TSACC: variants seen among roughly 807,000 people sequenced by gnomAD.
TSACC encodes the protein TSSK6-activating co-chaperone protein.
A neutral mutation model predicts 6.9 loss-of-function variants in TSACC; 3 were observed. The observed-to-expected ratio is 0.43, with a 90% CI of 0.20 to 1.12. The LOEUF (loss-of-function observed/expected upper bound fraction) is 1.12. TSACC is among the 50% of genes most tolerant of loss of function. The pLI is 0.28. For missense variants in TSACC, 137 were observed against 143.9 expected, an observed-to-expected ratio of 0.95 and a Z score of 0.24; for synonymous variants, 54 against 55.1, an observed-to-expected ratio of 0.98 and a Z score of 0.09.
In TSACC at chr1:156,340,449, G is replaced by A. The variant is rs996946789; in HGVS notation, c.34+658G>A. Among the ~76,000 whole-genome samples the A allele has an allele frequency of 7.6e-5, 11 of 145,032 alleles. No individual in the cohort carries two copies. In the South Asian group the frequency reaches 1.5e-3, roughly 20 times the overall value. The stretch of plus-strand genomic sequence containing the variant: ...GCTGGGATTACAGGTGTGAGCTACC[G>A]CCCCCGGCCTTTTTTTTTTTTTTTT... On this transcript the variant is annotated intron_variant, in intron 2 of 3. Coordinates refer to ENST00000368254, the MANE Select transcript of TSACC (RefSeq NM_001304817.2).
intron 2 of TSACC, among the ~76,000 whole-genome samples, chr1:156,342,088 A>G (rs1168773750): frequency 6.6e-6 from 1 of 152,062 alleles, no homozygotes; most frequent in African/African-American, 2.4e-5. Flanking sequence ...AGAAAGAAAA[A>G]AAAATGCATT....
chr1:156,338,020 G>A (rs1351523925), upstream of TSACC: 3 of 953,370 alleles, frequency 3.1e-6, no homozygotes, highest in Admixed American at 6.3e-5. Flanking sequence ...CGGGACACTG[G>A]GCTTCCAAAA....
upstream of TSACC, chr1:156,337,886 G>A (rs1665510509): frequency 3.7e-6 from 2 of 535,074 alleles, no homozygotes; most frequent in Admixed American, 3.4e-5. Context: ...GGGGCTGAGG[G>A]ACAGAACGCG....
At chr1:156,344,029 C>T (rs1490818622) in intron 2 of TSACC, among the ~76,000 whole-genome samples, 1 of 152,086 alleles carries the variant, frequency 6.6e-6, no homozygotes, top group African/African-American at 2.4e-5. Context: ...CATGAGCCAC[C>T]GTGCCCAGCC....
At position 156,339,651 on chromosome 1, in the gene TSACC, T is replaced by C; in HGVS notation, c.-107T>C. 7.0e-7 allele frequency: 1 copy of C among 1,429,016 alleles called. No individual in the cohort carries two copies. The highest frequency in any genetic ancestry group is 9.7e-7 in the Non-Finnish European group (1 of 1,027,642). The allele number at this position is 1,429,016 out of a possible 1,614,324, so 88.5% of individuals were successfully genotyped here. ...CTCTGCAGATTGGAACAGGCTGAGA[T>C]CTGCTGGAGACAACTTAGGAAATTA... On this transcript the variant is annotated 5_prime_UTR_variant, in exon 2 of 4. Coordinates refer to ENST00000368254, the MANE Select transcript of TSACC (RefSeq NM_001304817.2).
intron 2 of TSACC, among the ~76,000 whole-genome samples, chr1:156,341,273 A>G (rs964439736): frequency 2.0e-5 from 3 of 152,192 alleles, no homozygotes; most frequent in African/African-American, 7.2e-5. Context: ...ACACATATCA[A>G]CTGTGGAATC....
rs1666076880 is a variant in TSACC at position 156,344,721 on chromosome 1, G to A, written c.163+13G>A. On this transcript the variant is annotated intron_variant, in intron 3 of 3. Coordinates refer to ENST00000368254, the MANE Select transcript of TSACC (RefSeq NM_001304817.2). ...AAGCTGCCCTCGGGTAAGGATGTAG[G>A]GAGGGTTTTCTAATGGACTCAACAG... 6.2e-7 allele frequency: 1 copy of A among 1,612,642 alleles called. No homozygotes were observed. The highest frequency in any genetic ancestry group is 1.3e-5 in the African/African-American group (1 of 74,646).
chr1:156,344,445 C>T (rs1300474179), intron 2 of TSACC, 135 bp from the exon 3 acceptor site: 7 of 1,298,616 alleles, frequency 5.4e-6, no homozygotes, highest in African/African-American at 1.5e-5. Flanking sequence ...TCTTTTTTGT[C>T]TTATGTATCT....
chr1:156,337,992 TAAGAG>T (rs1425400903), upstream of TSACC, among the ~76,000 whole-genome samples: 7 of 152,122 alleles, frequency 4.6e-5, no homozygotes, highest in African/African-American at 1.7e-4. Context: ...GCGAACAGGT[TAAGAG>T]AAGAGAGGAA....
At chr1:156,345,875 A>G (rs1666143857) in intron 3 of TSACC, among the ~76,000 whole-genome samples, 1 of 151,410 alleles carries the variant, frequency 6.6e-6, no homozygotes, top group African/African-American at 2.4e-5. Flanking sequence ...GAAAAAAAAA[A>G]AAAGAAAAAA....
intron 1 of TSACC, 26 bp from the exon 2 acceptor site, chr1:156,339,608 A>G: frequency 1.1e-6 from 1 of 888,050 alleles, no homozygotes; most frequent in South Asian, 1.8e-5. Context: ...GCCATGAAAT[A>G]GAGTTTCCTA....
chr1:156,338,052 T>C (rs1665526785), upstream of TSACC: 3 of 1,279,992 alleles, frequency 2.3e-6, no homozygotes, highest in South Asian at 3.8e-5. Context: ...ATTGGAAGGC[T>C]CAGTGGCCCG....
chr1:156,344,808 A>G, intron 3 of TSACC, 100 bp downstream of exon 3: 1 of 1,404,878 alleles, frequency 7.1e-7, no homozygotes, highest in Non-Finnish European at 9.7e-7. Context: ...AGCCAAATCT[A>G]TGTTAGGCAT....
intron 2 of TSACC, among the ~76,000 whole-genome samples, chr1:156,343,612 T>G (rs1666011978): frequency 6.6e-6 from 1 of 152,208 alleles, no homozygotes; most frequent in Admixed American, 6.5e-5. Context: ...CTTGGCTCAG[T>G]CACAGTTGCC....
chr1:156,342,403 T>C (rs1051948477), intron 2 of TSACC, among the ~76,000 whole-genome samples: 7 of 152,154 alleles, frequency 4.6e-5, no homozygotes, highest in African/African-American at 1.7e-4. Context: ...CAGAACAGAT[T>C]TCAGTTTTCA....
chr1:156,338,052 TCA>T, upstream of TSACC: 3 of 1,280,110 alleles, frequency 2.3e-6, no homozygotes, highest in Non-Finnish European at 3.3e-6. Flanking sequence ...ATTGGAAGGC[TCA>T]GTGGCCCGGT....
In TSACC at chr1:156,339,809, T is replaced by C. The variant is rs377273394; in HGVS notation, c.34+18T>C. On this transcript the variant is annotated intron_variant, in intron 2 of 3. Coordinates refer to ENST00000368254, the MANE Select transcript of TSACC (RefSeq NM_001304817.2). Reference sequence around the variant, plus strand: ...CAGAAAAGGTGTGTGTTGGAGGCCCTGCTTCCCCTCCCTTAAAAAGCAAGA... The same window carrying C: ...CAGAAAAGGTGTGTGTTGGAGGCCCCGCTTCCCCTCCCTTAAAAAGCAAGA... 2 of 1,613,290 alleles carry C rather than the reference T, an allele frequency of 1.2e-6. No homozygotes were observed. The highest frequency in any genetic ancestry group is 1.3e-5 in the African/African-American group (1 of 74,804).
At position 156,340,720 on chromosome 1, in the gene TSACC, C is replaced by G. The variant is rs757657421; in HGVS notation, c.34+929C>G. ...AGGTGATCCGCCTGCCTCGGCCTCC[C>G]GAAGTGCTGGGATTACAGGTGTGAG... On this transcript the variant is annotated intron_variant, in intron 2 of 3. Coordinates refer to ENST00000368254, the MANE Select transcript of TSACC (RefSeq NM_001304817.2). 2.6e-5 allele frequency among the ~76,000 whole-genome samples: 4 copies of G among 152,242 alleles called. 1 individual carries two copies. Among genetic ancestry groups the G allele is most frequent in the Admixed American group, 2.0e-4 (3 of 15,290 alleles).
In TSACC at chr1:156,339,800, T is replaced by G. The variant is rs893595806; in HGVS notation, c.34+9T>G. The stretch of plus-strand genomic sequence containing the variant: ...TCATCCTAACAGAAAAGGTGTGTGT[T>G]GGAGGCCCTGCTTCCCCTCCCTTAA... On this transcript the variant is annotated intron_variant, in intron 2 of 3. Coordinates refer to ENST00000368254, the MANE Select transcript of TSACC (RefSeq NM_001304817.2). The G allele has an allele frequency of 1.2e-6, 2 of 1,613,456 alleles. No individual in the cohort carries two copies. Among genetic ancestry groups the G allele is most frequent in the African/African-American group, 2.7e-5 (2 of 74,668 alleles).
Sources: gnomAD v4.1 joint callset for allele counts (sites outside exome capture counted in the v4.1 genomes callset) on GRCh38, gnomAD v4.1.1 for gene constraint, MANE v1.5 for transcripts, NCBI Gene and HGNC (gene_info 2026-07-23, HGNC 2026-07-21) for gene names.